FOXP1: variants seen among roughly 807,000 people sequenced by gnomAD.
FOXP1 encodes the protein forkhead box P1, also known as forkhead box protein P1.
FOXP1 carries 15 observed loss-of-function variants against 98.2 expected under a neutral mutation model. The ratio of observed to expected loss-of-function variants is 0.15; its 90% confidence interval spans 0.10 to 0.24. The LOEUF (loss-of-function observed/expected upper bound fraction) is 0.24. FOXP1 is among the 10% of genes least tolerant of loss of function. The probability of loss-of-function intolerance (pLI) is 1.00; values close to 1 mark genes in which losing one functional copy is unlikely to be tolerated. For synonymous variants in FOXP1, 371 were observed against 314.5 expected, an observed-to-expected ratio of 1.18 and a Z score of -1.90; for missense variants, 633 against 848.5, an observed-to-expected ratio of 0.75 and a Z score of 3.15.
intron 5 of FOXP1, among the ~76,000 whole-genome samples, chr3:71,277,116 G>A (rs1401123508): frequency 2.0e-5 from 3 of 151,596 alleles, no homozygotes; most frequent in Middle Eastern, 3.2e-3. Flanking sequence ...CCGCCACCAC[G>A]CCCAGCTAAT....
intron 20 of FOXP1, among the ~76,000 whole-genome samples, chr3:70,965,659 C>G (rs934797213): frequency 2.0e-5 from 3 of 152,138 alleles, no homozygotes; most frequent in African/African-American, 7.2e-5. Context: ...AAAAAGCAAA[C>G]CTGTTTCTCA....
At chr3:71,392,400 T>C (rs2081098967) in intron 3 of FOXP1, among the ~76,000 whole-genome samples, 1 of 152,190 alleles carries the variant, frequency 6.6e-6, no homozygotes, top group Non-Finnish European at 1.5e-5. Flanking sequence ...TTTAAAGAAA[T>C]TAACTTGTTA....
intron 5 of FOXP1, among the ~76,000 whole-genome samples, chr3:71,246,989 C>G (rs970903714): frequency 6.6e-6 from 1 of 152,122 alleles, no homozygotes; most frequent in South Asian, 2.1e-4. Flanking sequence ...ACATTCAATA[C>G]AGGGTGATTC....
intron 5 of FOXP1, among the ~76,000 whole-genome samples, chr3:71,267,818 G>A (rs2069851009): frequency 6.6e-6 from 1 of 151,958 alleles, no homozygotes; most frequent in South Asian, 2.1e-4. Flanking sequence ...AGGAGTTCGA[G>A]GCCAGCCTGG....
intron 9 of FOXP1, among the ~76,000 whole-genome samples, chr3:71,049,274 G>A (rs919463610): frequency 6.6e-6 from 1 of 152,042 alleles, no homozygotes; most frequent in South Asian, 2.1e-4. Context: ...ATAACTGCCC[G>A]GGACAAACGG....
intron 3 of FOXP1, among the ~76,000 whole-genome samples, chr3:71,378,884 G>C (rs2079931003): frequency 6.6e-6 from 1 of 151,974 alleles, no homozygotes; most frequent in Non-Finnish European, 1.5e-5. Flanking sequence ...CATTCACTGG[G>C]GGTCTTGGAA....
At chr3:71,545,664 G>C (rs2045299166) in intron 2 of FOXP1, among the ~76,000 whole-genome samples, 1 of 152,116 alleles carries the variant, frequency 6.6e-6, no homozygotes, top group Non-Finnish European at 1.5e-5. Flanking sequence ...ATAATAAATA[G>C]CTATAATATA....
chr3:71,059,068 A>G (rs111753180), intron 7 of FOXP1, among the ~76,000 whole-genome samples: 8 of 152,338 alleles, frequency 5.3e-5, no homozygotes, highest in African/African-American at 1.4e-4. Context: ...AGTCATTAGC[A>G]TAACAGTTCT....
rs914444374 is a variant in FOXP1, at chr3:71,130,867, A to G, written c.181-18230T>C. On this transcript the variant is annotated intron_variant, in intron 6 of 20. Coordinates refer to ENST00000649528, the MANE Select transcript of FOXP1 (RefSeq NM_001349338.3). ...GCACTTAAAGAAATCTATTAATGCC[A>G]CACATATCTAAACCGCTCCAGGTCT... The G allele has an allele frequency of 7.7e-6, 11 of 1,421,402 alleles. No homozygotes were observed. In the Admixed American group the frequency reaches 1.7e-4, roughly 23 times the overall value. The allele number at this position is 1,421,402 out of a possible 1,614,324, so 88.0% of individuals were successfully genotyped here.
At chr3:71,118,232 G>A (rs765803877) in intron 6 of FOXP1, among the ~76,000 whole-genome samples, 2 of 152,118 alleles carry the variant, frequency 1.3e-5, no homozygotes, top group Non-Finnish European at 2.9e-5. Context: ...CATTCTATTG[G>A]TCCAAGATTA....
chr3:71,529,737 T>C (rs1578032381), intron 2 of FOXP1, among the ~76,000 whole-genome samples: 1 of 152,120 alleles, frequency 6.6e-6, no homozygotes, highest in East Asian at 1.9e-4. Context: ...GTTCCTGGGG[T>C]TGCCACCTCC....
chr3:71,038,675 T>TA (rs1351868990), intron 11 of FOXP1, among the ~76,000 whole-genome samples: 1 of 151,854 alleles, frequency 6.6e-6, no homozygotes, highest in African/African-American at 2.4e-5. Flanking sequence ...TTTTTTTTTT[T>TA]AATTAAGAGA....
chr3:71,382,228 T>C (rs1168590209), intron 3 of FOXP1, among the ~76,000 whole-genome samples: 3 of 151,986 alleles, frequency 2.0e-5, no homozygotes, highest in Non-Finnish European at 2.9e-5. Context: ...TGAGCCATGA[T>C]GGCACCCCTG....
intron 20 of FOXP1, among the ~76,000 whole-genome samples, chr3:70,965,332 A>G (rs2034519905): frequency 6.6e-6 from 1 of 152,140 alleles, no homozygotes; most frequent in Non-Finnish European, 1.5e-5. Flanking sequence ...ATTCAGTTAT[A>G]TGTGCACTCA....
chr3:71,034,910 A>C (rs1435099987), intron 11 of FOXP1, among the ~76,000 whole-genome samples: 2 of 152,154 alleles, frequency 1.3e-5, no homozygotes, highest in Non-Finnish European at 2.9e-5. Context: ...GTGGCTCCCC[A>C]GTGGGCTGCT....
intron 3 of FOXP1, among the ~76,000 whole-genome samples, chr3:71,388,096 AT>A (rs901325212): frequency 1.3e-5 from 2 of 152,050 alleles, no homozygotes; most frequent in South Asian, 4.2e-4. Flanking sequence ...TTCTAACTTT[AT>A]TTTTTTTAAT....
intron 6 of FOXP1, among the ~76,000 whole-genome samples, chr3:71,190,050 T>C (rs1304178873): frequency 6.6e-6 from 1 of 152,182 alleles, no homozygotes; most frequent in Non-Finnish European, 1.5e-5. Context: ...CGGGATTTCT[T>C]CCCTTCCAAG....
intron 4 of FOXP1, among the ~76,000 whole-genome samples, chr3:71,331,507 A>G (rs941153022): frequency 5.3e-5 from 8 of 152,378 alleles, no homozygotes; most frequent in African/African-American, 1.7e-4. Flanking sequence ...ACTGGCACGC[A>G]GCTCCACCTG....
At chr3:71,009,309 TGGTA>T (rs1576114718) in intron 12 of FOXP1, among the ~76,000 whole-genome samples, 1 of 152,156 alleles carries the variant, frequency 6.6e-6, no homozygotes, top group East Asian at 1.9e-4. Context: ...ACACCAAAAA[TGGTA>T]CAGCAAACTG....
Sources: allele counts gnomAD v4.1 joint callset (sites outside exome capture counted in the v4.1 genomes callset), GRCh38; gene constraint gnomAD v4.1.1; transcripts MANE v1.5; gene names NCBI Gene and HGNC (gene_info 2026-07-23, HGNC 2026-07-21).